PARPBP: variants seen among roughly 807,000 people sequenced by gnomAD.
PARPBP encodes PCNA-interacting partner.
In PARPBP, 52 loss-of-function variants were observed where a neutral mutation model predicts 50.0. That is an observed-to-expected ratio of 1.04 (90% CI 0.83 to 1.31). The LOEUF is 1.31. PARPBP is among the 50% of genes most tolerant of loss of function. The probability of loss-of-function intolerance (pLI) is 0.00; values close to 1 mark genes in which losing one functional copy is unlikely to be tolerated. For missense variants in PARPBP, 697 were observed against 672.0 expected (o/e 1.04, Z -0.41); for synonymous variants, 244 against 232.1 (o/e 1.05, Z -0.47).
intron 2 of PARPBP, among the ~76,000 whole-genome samples, chr12:102,129,378 A>T (rs73384822): frequency 6.6e-6 from 1 of 151,588 alleles, no homozygotes; most frequent in Non-Finnish European, 1.5e-5. Context: ...CATGATTTGG[A>T]TATATTTTCT....
At chr12:102,175,333 A>G (rs17032287) in intron 6 of PARPBP, 150 bp from the exon 7 acceptor site, 5,412 of 478,096 alleles carry the variant, frequency 0.011, 153 homozygotes, top group African/African-American at 0.067. Flanking sequence ...AATGGTCCTT[A>G]TCTTTTTCTT....
intron 2 of PARPBP, among the ~76,000 whole-genome samples, chr12:102,140,608 C>G (rs1399989966): frequency 2.0e-5 from 3 of 152,028 alleles, no homozygotes; most frequent in Non-Finnish European, 4.4e-5. Context: ...CCTGCTTTCT[C>G]TTGTGGGCAA....
intron 2 of PARPBP, among the ~76,000 whole-genome samples, chr12:102,136,172 A>G (rs140389396): frequency 6.6e-6 from 1 of 152,294 alleles, no homozygotes; most frequent in East Asian, 1.9e-4. Flanking sequence ...TAGATACCCT[A>G]TTTTTATTTT....
At chr12:102,121,584 C>T (rs1223782970) in intron 1 of PARPBP, among the ~76,000 whole-genome samples, 2 of 127,160 alleles carry the variant, frequency 1.6e-5, no homozygotes, top group Non-Finnish European at 3.2e-5. Flanking sequence ...GACAGAGTCT[C>T]ACTCTGTCAC....
intron 3 of PARPBP, chr12:102,151,476 C>A: frequency 1.2e-6 from 1 of 800,474 alleles, no homozygotes; most frequent in Non-Finnish European, 2.0e-6. Flanking sequence ...GAGCCTGCGG[C>A]TGCTGGGAGA....
At chr12:102,162,556 C>T (rs1399037320) in intron 4 of PARPBP, among the ~76,000 whole-genome samples, 1 of 152,170 alleles carries the variant, frequency 6.6e-6, no homozygotes, top group Non-Finnish European at 1.5e-5. Context: ...CATGGTGGCT[C>T]ACACCTGTAT....
chr12:102,144,267 A>G (rs992775902), intron 2 of PARPBP, among the ~76,000 whole-genome samples: 1 of 152,242 alleles, frequency 6.6e-6, no homozygotes, highest in African/African-American at 2.4e-5. Flanking sequence ...CAAAGTACGA[A>G]TGCTCTGGAA....
At chr12:102,135,151 TAGG>T (rs1217432114) in intron 2 of PARPBP, among the ~76,000 whole-genome samples, 1 of 152,126 alleles carries the variant, frequency 6.6e-6, no homozygotes, top group Non-Finnish European at 1.5e-5. Context: ...ACAAATTTAA[TAGG>T]AGTATTACAT....
intron 9 of PARPBP, among the ~76,000 whole-genome samples, chr12:102,188,607 A>G (rs1030872795): frequency 6.6e-6 from 1 of 152,132 alleles, no homozygotes; most frequent in Admixed American, 6.6e-5. Context: ...GAGTTCCTTT[A>G]TGTGCAATAT....
At chr12:102,155,608 G>A (rs1886793089) in intron 4 of PARPBP, among the ~76,000 whole-genome samples, 1 of 85,448 alleles carries the variant, frequency 1.2e-5, no homozygotes, top group Non-Finnish European at 2.3e-5. Flanking sequence ...GGGGGGGGGC[G>A]GGGACAATGA....
intron 6 of PARPBP, among the ~76,000 whole-genome samples, chr12:102,170,658 C>G (rs1242349084): frequency 6.6e-6 from 1 of 152,146 alleles, no homozygotes; most frequent in Non-Finnish European, 1.5e-5. Context: ...CTCTTGTAGA[C>G]TTTATACACA....
chr12:102,121,521 G>GT (rs201414541), intron 1 of PARPBP, among the ~76,000 whole-genome samples: 3,511 of 136,304 alleles, frequency 0.026, 123 homozygotes, highest in African/African-American at 0.078. Context: ...GAGACTCTTG[G>GT]TTTTCTGTCA....
intron 3 of PARPBP, chr12:102,151,709 G>A: frequency 6.5e-7 from 1 of 1,535,690 alleles, no homozygotes; most frequent in Non-Finnish European, 8.7e-7. Flanking sequence ...TTAGCATGGA[G>A]CTGGTCCCTA....
At chr12:102,164,811 A>T in intron 5 of PARPBP, 1 of 593,752 alleles carries the variant, frequency 1.7e-6, no homozygotes, top group Admixed American at 2.8e-5. Context: ...GTGTTTCCTT[A>T]CATATGTTCT....
chr12:102,187,380 A>G (rs573125122), intron 9 of PARPBP, among the ~76,000 whole-genome samples: 1 of 152,152 alleles, frequency 6.6e-6, no homozygotes, highest in African/African-American at 2.4e-5. Context: ...CATTAGAGAA[A>G]TAGTAGAAGT....
chr12:102,137,943 T>G (rs1043134240), intron 2 of PARPBP, among the ~76,000 whole-genome samples: 5 of 152,338 alleles, frequency 3.3e-5, no homozygotes, highest in South Asian at 4.1e-4. Context: ...TTTGCTATTG[T>G]GAATAGTGTC....
chr12:102,138,109 A>G (rs1594470378), intron 2 of PARPBP, among the ~76,000 whole-genome samples: 2 of 152,202 alleles, frequency 1.3e-5, no homozygotes, highest in Non-Finnish European at 2.9e-5. Flanking sequence ...GAACTAGTTT[A>G]CAGTCCCACC....
intron 2 of PARPBP, among the ~76,000 whole-genome samples, chr12:102,137,777 A>C (rs547379620): frequency 8.0e-4 from 122 of 152,036 alleles, no homozygotes; most frequent in Middle Eastern, 3.4e-3. Context: ...TCCTTGAGAT[A>C]GTTTGCTCGG....
intron 10 of PARPBP, 130 bp downstream of exon 10, chr12:102,195,577 C>G (rs1462731311): frequency 3.0e-6 from 2 of 666,848 alleles, no homozygotes; most frequent in Non-Finnish European, 5.0e-6. Flanking sequence ...TTAAAGACCT[C>G]AGTTTATTTA....
Sources: allele counts gnomAD v4.1 joint callset (sites outside exome capture counted in the v4.1 genomes callset), GRCh38; gene constraint gnomAD v4.1.1; transcripts MANE v1.5; gene names NCBI Gene and HGNC (gene_info 2026-07-23, HGNC 2026-07-21).